Variants in GALNT17 observed in about 807,000 individuals in gnomAD.
GALNT17 encodes polypeptide N-acetylgalactosaminyltransferase 17, also known as UDP-GalNAc:polypeptide N-acetylgalactosaminyltransferase-like 3.
In GALNT17, 29 loss-of-function variants were observed where a neutral mutation model predicts 63.7. The observed-to-expected ratio is 0.46, with a 90% confidence interval of 0.34 to 0.62. The LOEUF (loss-of-function observed/expected upper bound fraction) is 0.62, where lower values mean the gene tolerates loss of function less well. Ranked by LOEUF, GALNT17 falls within the 20% of genes least tolerant of loss-of-function variation. The probability of loss-of-function intolerance (pLI) is 0.01; values close to 1 mark genes in which losing one functional copy is unlikely to be tolerated. For synonymous variants in GALNT17, 305 were observed against 318.3 expected (o/e 0.96, Z 0.45); for missense variants, 603 against 799.6 (o/e 0.75, Z 2.97).
At chr7:71,433,782 G>T (rs1786910535) in intron 5 of GALNT17, among the ~76,000 whole-genome samples, 1 of 152,290 alleles carries the variant, frequency 6.6e-6, no homozygotes, top group East Asian at 1.9e-4. Flanking sequence ...TTAATACTGG[G>T]TGTCAACTTG....
intron 2 of GALNT17, among the ~76,000 whole-genome samples, chr7:71,385,194 C>T (rs55918252): frequency 0.054 from 8,251 of 152,096 alleles, 671 homozygotes; most frequent in African/African-American, 0.17. Flanking sequence ...GTGAGCCAAG[C>T]GATACCGAGA....
At position 71,473,243 on chromosome 7, in the gene GALNT17, A is replaced by C. The variant is rs148189856; in HGVS notation, c.962+52138A>C. 1.2e-4 allele frequency among the ~76,000 whole-genome samples: 18 copies of C among 152,290 alleles called. No individual in the cohort carries two copies. The East Asian group carries it at 3.5e-3, about 29-fold the overall frequency. ...ACCAAAGTTCTTGTTATGTAGATGA[A>C]GCCTCCAGGTGGCAGGCTTCAGAGA... On this transcript the variant is annotated intron_variant, in intron 5 of 10. Coordinates refer to ENST00000333538, the MANE Select transcript of GALNT17 (RefSeq NM_022479.3).
At chr7:71,180,544 T>G (rs1788717296) in intron 1 of GALNT17, among the ~76,000 whole-genome samples, 1 of 152,216 alleles carries the variant, frequency 6.6e-6, no homozygotes, top group East Asian at 1.9e-4. Flanking sequence ...CAGTCTCTCA[T>G]TTTGATCTTC....
At chr7:71,357,853 T>A (rs1304347205) in intron 2 of GALNT17, among the ~76,000 whole-genome samples, 1 of 152,076 alleles carries the variant, frequency 6.6e-6, no homozygotes, top group Non-Finnish European at 1.5e-5. Flanking sequence ...CATGCACCAA[T>A]CAGAGCTTTG....
Position 71,375,189 on chromosome 7 carries a change from T to C in GALNT17, c.423-13046T>C, listed in dbSNP as rs1792698614. 5.9e-5 allele frequency among the ~76,000 whole-genome samples: 9 copies of C among 152,228 alleles called. No homozygotes were observed. The South Asian group carries it at 1.9e-3, about 32-fold the overall frequency. On this transcript the variant is annotated intron_variant, in intron 2 of 10. Transcript: ENST00000333538. ...CAATAATGAAAGTAACACAAGGACA[T>C]AGGGATGGCCCAGATGTGGGAAGAA...
At chr7:71,176,100 G>A (rs1387276791) in intron 1 of GALNT17, among the ~76,000 whole-genome samples, 2 of 152,000 alleles carry the variant, frequency 1.3e-5, no homozygotes, top group Admixed American at 6.6e-5. Context: ...ACCTACGTGT[G>A]GCCTCGACAT....
At chr7:71,468,933 T>C (rs1412306846) in intron 5 of GALNT17, among the ~76,000 whole-genome samples, 1 of 152,196 alleles carries the variant, frequency 6.6e-6, no homozygotes, top group African/African-American at 2.4e-5. Flanking sequence ...CAACAGAAGC[T>C]CTTGCCTCTG....
At chr7:71,507,909 G>A (rs545416260) in intron 5 of GALNT17, among the ~76,000 whole-genome samples, 4 of 152,318 alleles carry the variant, frequency 2.6e-5, no homozygotes, top group Non-Finnish European at 5.9e-5. Flanking sequence ...TTAAGCTTGT[G>A]TGACAGAATA....
chr7:71,621,478 G>C (rs1790288509), intron 6 of GALNT17, among the ~76,000 whole-genome samples: 1 of 151,708 alleles, frequency 6.6e-6, no homozygotes, highest in Non-Finnish European at 1.5e-5. Context: ...TGGATGAATG[G>C]ATGAATGGAT....
At chr7:71,707,159 A>AT (rs35262295) in intron 9 of GALNT17, among the ~76,000 whole-genome samples, 4 of 151,732 alleles carry the variant, frequency 2.6e-5, no homozygotes, top group South Asian at 2.1e-4. Context: ...GATGCAGAGT[A>AT]TTTTTTTTTA....
At chr7:71,233,170 C>T (rs1789825609) in intron 1 of GALNT17, among the ~76,000 whole-genome samples, 1 of 152,178 alleles carries the variant, frequency 6.6e-6, no homozygotes, top group South Asian at 2.1e-4. Context: ...TCCTGTTCCT[C>T]CATCTTTCTC....
chr7:71,565,444 GT>G (rs1789326910), intron 5 of GALNT17, among the ~76,000 whole-genome samples: 1 of 151,552 alleles, frequency 6.6e-6, no homozygotes, highest in Non-Finnish European at 1.5e-5. Context: ...CTTCTCTACT[GT>G]CCTCTCCTTC....
At chr7:71,514,581 C>G (rs1788416266) in intron 5 of GALNT17, among the ~76,000 whole-genome samples, 1 of 152,170 alleles carries the variant, frequency 6.6e-6, no homozygotes, top group African/African-American at 2.4e-5. Flanking sequence ...TGGTAAAAAT[C>G]TCCTAACGGG....
In GALNT17 at chr7:71,492,220, A is replaced by G. The variant is rs1013190681; in HGVS notation, c.962+71115A>G. ...CTTGAACCAGGGAGTCGGAGGTTGC[A>G]GTGAGCCGAGATCACGCCACTGCCC... is the stretch of plus-strand genomic sequence containing the variant. On this transcript the variant is annotated intron_variant, in intron 5 of 10. Coordinates refer to ENST00000333538, the MANE Select transcript of GALNT17 (RefSeq NM_022479.3). 3.3e-5 allele frequency among the ~76,000 whole-genome samples: 5 copies of G among 152,216 alleles called. No individual in the cohort carries two copies. In the East Asian group the frequency reaches 5.8e-4, roughly 18 times the overall value.
chr7:71,595,876 A>T (rs1334422358), intron 6 of GALNT17, among the ~76,000 whole-genome samples: 1 of 152,212 alleles, frequency 6.6e-6, no homozygotes, highest in Non-Finnish European at 1.5e-5. Context: ...ATACTAATGT[A>T]GTTGTCTTTG....
chr7:71,282,319 A>C (rs1014994588), intron 1 of GALNT17, among the ~76,000 whole-genome samples: 6 of 152,226 alleles, frequency 3.9e-5, no homozygotes, highest in African/African-American at 1.4e-4. Context: ...ATGCAACCAG[A>C]TGGGAACCTT....
At chr7:71,283,490 A>C (rs979223827) in intron 1 of GALNT17, among the ~76,000 whole-genome samples, 1 of 152,344 alleles carries the variant, frequency 6.6e-6, no homozygotes, top group South Asian at 2.1e-4. Flanking sequence ...AGACTCTCCA[A>C]GCTTAGAAAG....
chr7:71,167,901 C>G (rs1788472002), intron 1 of GALNT17, among the ~76,000 whole-genome samples: 1 of 152,126 alleles, frequency 6.6e-6, no homozygotes, highest in East Asian at 1.9e-4. Flanking sequence ...AGCTACTGAC[C>G]TCAGGGGATT....
At chr7:71,634,482 G>A (rs1306023773) in intron 6 of GALNT17, among the ~76,000 whole-genome samples, 1 of 152,168 alleles carries the variant, frequency 6.6e-6, no homozygotes, top group East Asian at 1.9e-4. Context: ...AGCCAGGCAC[G>A]GTGGCTCACG....
Sources: gnomAD v4.1 joint callset for allele counts (sites outside exome capture counted in the v4.1 genomes callset) on GRCh38, gnomAD v4.1.1 for gene constraint, MANE v1.5 for transcripts, NCBI Gene and HGNC (gene_info 2026-07-23, HGNC 2026-07-21) for gene names.